Variants in GPM6A observed in about 807,000 individuals in gnomAD.
GPM6A encodes the protein neuronal membrane glycoprotein M6-a.
GPM6A carries 7 observed loss-of-function variants against 32.1 expected under a neutral mutation model. The ratio of observed to expected loss-of-function variants is 0.22; its 90% CI spans 0.12 to 0.41. The LOEUF is 0.41. GPM6A is among the 10% of genes least tolerant of loss of function. The probability of loss-of-function intolerance (pLI) is 1.00; values close to 1 mark genes in which losing one functional copy is unlikely to be tolerated. For synonymous variants in GPM6A, 130 were observed against 123.4 expected (o/e 1.05, Z -0.35); for missense variants, 235 against 347.2 (o/e 0.68, Z 2.57).
chr4:175,669,842 A>C (rs1742955323), intron 3 of GPM6A, among the ~76,000 whole-genome samples: 2 of 152,148 alleles, frequency 1.3e-5, no homozygotes, highest in Non-Finnish European at 1.5e-5. Flanking sequence ...TTATAAAAAA[A>C]GGGGAAATTT....
intron 1 of GPM6A, among the ~76,000 whole-genome samples, chr4:175,896,998 T>C (rs17062217): frequency 0.034 from 5,238 of 152,136 alleles, 270 homozygotes; most frequent in African/African-American, 0.12. Context: ...AAAGATCTCG[T>C]TTGCCTCATG....
At chr4:175,887,400 G>A (rs561741290) in intron 1 of GPM6A, among the ~76,000 whole-genome samples, 2 of 151,818 alleles carry the variant, frequency 1.3e-5, no homozygotes, top group East Asian at 1.9e-4. Flanking sequence ...CCATCAAAAT[G>A]TACAGGAATG....
chr4:175,756,717 C>T (rs538680568), intron 1 of GPM6A, among the ~76,000 whole-genome samples: 10 of 152,046 alleles, frequency 6.6e-5, no homozygotes, highest in Admixed American at 2.6e-4. Context: ...CACCTGTACA[C>T]GGTGGAATAA....
upstream of GPM6A, among the ~76,000 whole-genome samples, chr4:175,815,723 T>TTC (rs1474007230): frequency 8.1e-5 from 12 of 147,598 alleles, no homozygotes; most frequent in East Asian, 2.2e-3. Context: ...CTTTTCTTTT[T>TTC]TTTTTTTTTT....
At chr4:175,739,734 C>T (rs576328695) in intron 1 of GPM6A, among the ~76,000 whole-genome samples, 3 of 152,088 alleles carry the variant, frequency 2.0e-5, no homozygotes, top group African/African-American at 7.2e-5. Context: ...TTTTGGTGAA[C>T]CATTAGAATC....
chr4:175,780,064 A>G (rs934172035), intron 1 of GPM6A, among the ~76,000 whole-genome samples: 11 of 150,910 alleles, frequency 7.3e-5, no homozygotes, highest in Non-Finnish European at 1.5e-4. Flanking sequence ...TTTTTTTGAA[A>G]TGGAGTCTTG....
At chr4:175,746,016 G>A (rs1038157519) in intron 1 of GPM6A, among the ~76,000 whole-genome samples, 3 of 152,128 alleles carry the variant, frequency 2.0e-5, no homozygotes, top group African/African-American at 7.2e-5. Context: ...GATGACCAGG[G>A]TTCTCATTAG....
chr4:175,825,032 T>A (rs1426262072), intron 1 of GPM6A, among the ~76,000 whole-genome samples: 1 of 152,222 alleles, frequency 6.6e-6, no homozygotes, highest in Non-Finnish European at 1.5e-5. Context: ...CGCTTGTAGC[T>A]AAATGGGTAG....
chr4:175,717,816 T>C (rs73875141), intron 1 of GPM6A, among the ~76,000 whole-genome samples: 1,866 of 152,344 alleles, frequency 0.012, 46 homozygotes, highest in African/African-American at 0.043. Context: ...TTCTAATGTC[T>C]TGTGGATATC....
intron 1 of GPM6A, among the ~76,000 whole-genome samples, chr4:175,822,360 A>T (rs1424295090): frequency 6.6e-6 from 1 of 152,126 alleles, no homozygotes; most frequent in Non-Finnish European, 1.5e-5. Context: ...ATGCCTTTTT[A>T]AAAAGCTGTC....
At chr4:175,692,295 C>G (rs974274083) in intron 2 of GPM6A, among the ~76,000 whole-genome samples, 2 of 152,002 alleles carry the variant, frequency 1.3e-5, no homozygotes, top group African/African-American at 2.4e-5. Flanking sequence ...AAAATGGTGT[C>G]CAGAAAGTTT....
intron 1 of GPM6A, among the ~76,000 whole-genome samples, chr4:175,799,742 T>C (rs1371787577): frequency 7.7e-6 from 1 of 129,052 alleles, no homozygotes; most frequent in Admixed American, 8.5e-5. Context: ...TGGCGCAATC[T>C]CGGCTCACTG....
intron 1 of GPM6A, among the ~76,000 whole-genome samples, chr4:175,851,450 A>G (rs1305750940): frequency 6.7e-6 from 1 of 148,432 alleles, no homozygotes; most frequent in Non-Finnish European, 1.5e-5. Flanking sequence ...GTGCCATTGC[A>G]CTCCAGCCCG....
At chr4:175,883,624 CTGAAT>C (rs1290351587) in intron 1 of GPM6A, among the ~76,000 whole-genome samples, 1 of 152,114 alleles carries the variant, frequency 6.6e-6, no homozygotes, top group Non-Finnish European at 1.5e-5. Flanking sequence ...TTCCTAATAA[CTGAAT>C]TGAATATCAA....
At chr4:175,657,790 G>A (rs977878921) in intron 3 of GPM6A, among the ~76,000 whole-genome samples, 1 of 152,080 alleles carries the variant, frequency 6.6e-6, no homozygotes, top group African/African-American at 2.4e-5. Flanking sequence ...GATGTCGGTT[G>A]TGCAATCAAA....
At chr4:175,675,804 C>T (rs1743331939) in intron 2 of GPM6A, among the ~76,000 whole-genome samples, 1 of 152,096 alleles carries the variant, frequency 6.6e-6, no homozygotes, top group Non-Finnish European at 1.5e-5. Context: ...TGTGCACCAC[C>T]ATGCCTTGCA....
chr4:175,884,387 T>G (rs367833734), intron 1 of GPM6A, among the ~76,000 whole-genome samples: 1 of 152,280 alleles, frequency 6.6e-6, no homozygotes, highest in African/African-American at 2.4e-5. Context: ...TACAATTTCC[T>G]TTAGGAAACT....
intron 1 of GPM6A, among the ~76,000 whole-genome samples, chr4:175,794,971 G>A (rs1320521679): frequency 5.3e-5 from 8 of 152,280 alleles, no homozygotes; most frequent in East Asian, 3.9e-4. Flanking sequence ...TAATTAAAGC[G>A]AATAGAAATT....
intron 1 of GPM6A, among the ~76,000 whole-genome samples, chr4:175,935,220 A>G (rs374048519): frequency 6.6e-6 from 1 of 152,194 alleles, no homozygotes; most frequent in Non-Finnish European, 1.5e-5. Context: ...TACCTGTTCT[A>G]CTGCTTCAAA....
Sources: gnomAD v4.1 joint callset for allele counts (sites outside exome capture counted in the v4.1 genomes callset) on GRCh38, gnomAD v4.1.1 for gene constraint, MANE v1.5 for transcripts, NCBI Gene and HGNC (gene_info 2026-07-23, HGNC 2026-07-21) for gene names.